NTRK3: variants seen among roughly 807,000 people sequenced by gnomAD.
The protein encoded by NTRK3 is neurotrophic receptor tyrosine kinase 3, also known as NT-3 growth factor receptor.
A neutral mutation model predicts 91.7 loss-of-function variants in NTRK3; 24 were observed. The observed-to-expected ratio is 0.26, with a 90% CI of 0.19 to 0.37. The LOEUF is 0.37. Ranked by LOEUF, NTRK3 falls within the 10% of genes least tolerant of loss-of-function variation. NTRK3 has a pLI of 1.00. For synonymous variants in NTRK3, 483 were observed against 404.0 expected, an observed-to-expected ratio of 1.20 and a Z score of -2.34; for missense variants, 880 against 1,068.9, an observed-to-expected ratio of 0.82 and a Z score of 2.46.
At chr15:88,245,592 G>A (rs7182781) in intron 3 of NTRK3, among the ~76,000 whole-genome samples, 123,268 of 152,062 alleles carry the variant, frequency 0.81, 50,857 homozygotes, top group East Asian at 0.97. Flanking sequence ...AGCTAGAGGC[G>A]GAGAGACTGG....
intron 14 of NTRK3, among the ~76,000 whole-genome samples, chr15:88,017,633 C>A (rs1254036733): frequency 6.6e-6 from 1 of 152,116 alleles, no homozygotes; most frequent in African/African-American, 2.4e-5. Flanking sequence ...GAGGGGGGAC[C>A]ATCCCACCCC....
intron 16 of NTRK3, among the ~76,000 whole-genome samples, chr15:87,929,765 A>G (rs1486890823): frequency 1.3e-5 from 2 of 152,206 alleles, no homozygotes; most frequent in Non-Finnish European, 1.5e-5. Flanking sequence ...AACAACAAAT[A>G]ACTCTGCCAT....
intron 15 of NTRK3, among the ~76,000 whole-genome samples, chr15:87,938,667 T>C (rs983406106): frequency 6.6e-6 from 1 of 152,240 alleles, no homozygotes; most frequent in African/African-American, 2.4e-5. Context: ...CATCATTTCA[T>C]TCTCTGCTGA....
At chr15:88,002,324 G>A (rs2076169284) in intron 14 of NTRK3, among the ~76,000 whole-genome samples, 1 of 151,984 alleles carries the variant, frequency 6.6e-6, no homozygotes, top group African/African-American at 2.4e-5. Flanking sequence ...GTTCAGCCAA[G>A]GATGGATAAT....
intron 17 of NTRK3, among the ~76,000 whole-genome samples, chr15:87,903,242 G>A (rs2141667983): frequency 6.6e-6 from 1 of 152,342 alleles, no homozygotes; most frequent in South Asian, 2.1e-4. Flanking sequence ...CACAATTCTT[G>A]TAGTCATATG....
At chr15:87,869,745 GTTTA>G in exon 19 of NTRK3, 1 of 201,214 alleles carries the variant, frequency 5.0e-6, no homozygotes, top group Non-Finnish European at 1.0e-5. Context: ...CCTGGACCAC[GTTTA>G]TTTATTCACT....
At chr15:87,878,905 T>C (rs1240690766) in intron 18 of NTRK3, among the ~76,000 whole-genome samples, 1 of 121,602 alleles carries the variant, frequency 8.2e-6, no homozygotes, top group Non-Finnish European at 1.7e-5. Flanking sequence ...GGTGCATGCA[T>C]GGTGTGTGTG....
At chr15:87,923,065 T>C (rs2068006151) in intron 17 of NTRK3, among the ~76,000 whole-genome samples, 1 of 152,172 alleles carries the variant, frequency 6.6e-6, no homozygotes, top group Non-Finnish European at 1.5e-5. Flanking sequence ...AGAGTAGCAA[T>C]ACAAAGTAAG....
chr15:87,919,799 A>C (rs1204670529), intron 17 of NTRK3, among the ~76,000 whole-genome samples: 3 of 152,210 alleles, frequency 2.0e-5, no homozygotes, highest in African/African-American at 7.2e-5. Context: ...AGTCTGCTTC[A>C]AAACTGGAGT....
intron 13 of NTRK3, among the ~76,000 whole-genome samples, chr15:88,034,628 C>T (rs118050834): frequency 1.4e-3 from 210 of 152,338 alleles, no homozygotes; most frequent in Non-Finnish European, 2.6e-3. Context: ...AAATCCATTA[C>T]ATCTTACTGA....
rs954519500 is a variant in NTRK3 at position 87,999,401 on chromosome 15, T to G, written c.1585+33456A>C. Among the ~76,000 whole-genome samples, 14 of 152,344 alleles carry G rather than the reference T, an allele frequency of 9.2e-5. No homozygotes were observed. The East Asian group carries it at 2.7e-3, about 29-fold the overall frequency. On this transcript the variant is annotated intron_variant, in intron 14 of 18. Coordinates refer to ENST00000394480, the Ensembl canonical transcript of NTRK3. ...TCTAAACTTGCCACTAATTTTATTT[T>G]CTTACATGTATCCCCCACTATTACC...
At chr15:88,121,130 GCTT>G (rs2052660946) in intron 13 of NTRK3, among the ~76,000 whole-genome samples, 1 of 151,998 alleles carries the variant, frequency 6.6e-6, no homozygotes, top group Non-Finnish European at 1.5e-5. Flanking sequence ...CCACACACTT[GCTT>G]CTTTTTCTAT....
At position 87,867,342 on chromosome 15, in the gene NTRK3, G is replaced by A. The variant is rs143143096; in HGVS notation, c.*9593C>T. ...TTTCCCTGGCCTTAAAGGGTGGGGT[G>A]GGGAGCAGGGAATGGACAGCAAGTG... On this transcript the variant is annotated 3_prime_UTR_variant, in exon 19 of 19. Transcript: ENST00000394480. 626 of 228,240 alleles carry A rather than the reference G, an allele frequency of 2.7e-3. 4 individuals are homozygous for A. Among genetic ancestry groups the A allele is most frequent in the African/African-American group, 0.013 (582 of 45,166 alleles). 14.1% of individuals were successfully genotyped at this position (228,240 alleles called of 1,614,324 possible). A position where few individuals can be genotyped will look rare whatever the true frequency, so the allele number is the denominator to read the frequency against.
intron 14 of NTRK3, among the ~76,000 whole-genome samples, chr15:87,951,374 C>A (rs1322045791): frequency 5.9e-5 from 9 of 152,150 alleles, no homozygotes; most frequent in Non-Finnish European, 1.0e-4. Flanking sequence ...TGCTGCCTGA[C>A]TAGAGAGAGT....
chr15:87,920,615 GCA>G (rs1349164790), intron 17 of NTRK3, among the ~76,000 whole-genome samples: 1 of 152,206 alleles, frequency 6.6e-6, no homozygotes, highest in Non-Finnish European at 1.5e-5. Context: ...GCCCCAGACT[GCA>G]CAGTTCTAAA....
chr15:88,004,863 A>G (rs2076375368), intron 14 of NTRK3, among the ~76,000 whole-genome samples: 1 of 151,978 alleles, frequency 6.6e-6, no homozygotes. Context: ...CTATCATTCA[A>G]CTCCTCTTGA....
At chr15:87,871,129 G>A (rs910014734) in exon 19 of NTRK3, 1 of 231,010 alleles carries the variant, frequency 4.3e-6, no homozygotes. Context: ...GTACTTTGAA[G>A]GAACACCCCC....
intron 8 of NTRK3, 44 bp from the exon 9 acceptor site, chr15:88,136,084 A>G (rs771887334): frequency 1.1e-5 from 18 of 1,611,648 alleles, no homozygotes; most frequent in Non-Finnish European, 1.4e-5. Context: ...AGCTTCTACA[A>G]GGATGGCTCT....
chr15:87,986,674 A>T (rs114355971), intron 14 of NTRK3, among the ~76,000 whole-genome samples: 133 of 152,376 alleles, frequency 8.7e-4, no homozygotes, highest in African/African-American at 3.1e-3. Context: ...TTATCTGCCT[A>T]TTCTGCCAAC....
Sources: gnomAD v4.1 joint callset for allele counts (sites outside exome capture counted in the v4.1 genomes callset) on GRCh38, gnomAD v4.1.1 for gene constraint, MANE v1.5 for transcripts, NCBI Gene and HGNC (gene_info 2026-07-23, HGNC 2026-07-21) for gene names.